The following CUL3 variants were observed in gnomAD, a reference collection of about 807,000 sequenced individuals.
CUL3 encodes the protein cullin 3.
In CUL3, 19 loss-of-function variants were observed where a neutral mutation model predicts 89.1. That is an observed-to-expected ratio of 0.21 (90% CI 0.15 to 0.31). The LOEUF (loss-of-function observed/expected upper bound fraction) is 0.31, where lower values mean the gene tolerates loss of function less well. CUL3 is among the 10% of genes least tolerant of loss of function. The pLI is 1.00. For missense variants in CUL3, 469 were observed against 942.3 expected (o/e 0.50, Z 6.58); for synonymous variants, 351 against 308.4 (o/e 1.14, Z -1.45).
chr2:224,532,635 C>T (rs1693737666), intron 3 of CUL3, among the ~76,000 whole-genome samples: 1 of 152,122 alleles, frequency 6.6e-6, no homozygotes, highest in Non-Finnish European at 1.5e-5. Flanking sequence ...CAAATGTCAA[C>T]ATTTCTTACA....
intron 13 of CUL3, among the ~76,000 whole-genome samples, chr2:224,487,784 C>G (rs1691790467): frequency 6.6e-6 from 1 of 152,150 alleles, no homozygotes; most frequent in Admixed American, 6.5e-5. Flanking sequence ...CCCACATCAA[C>G]AGAATATATA....
chr2:224,584,474 G>A (rs916409007), intron 1 of CUL3, among the ~76,000 whole-genome samples: 7 of 152,084 alleles, frequency 4.6e-5, no homozygotes, highest in Non-Finnish European at 7.4e-5. Context: ...TGGGGAGGGG[G>A]GCAGAGAGAG....
intron 1 of CUL3, chr2:224,563,320 T>C (rs1017440136): frequency 6.4e-6 from 3 of 467,516 alleles, no homozygotes; most frequent in Non-Finnish European, 1.3e-5. Context: ...CACTCTCTAC[T>C]GGGTCTCTAT....
chr2:224,583,534 C>A (rs1363945380), intron 1 of CUL3, among the ~76,000 whole-genome samples: 1 of 152,176 alleles, frequency 6.6e-6, no homozygotes, highest in Non-Finnish European at 1.5e-5. Context: ...TTAGTACTCG[C>A]TTGTCAACAT....
intron 14 of CUL3, among the ~76,000 whole-genome samples, chr2:224,480,908 A>G (rs761456242): frequency 6.6e-6 from 1 of 152,158 alleles, no homozygotes; most frequent in African/African-American, 2.4e-5. Context: ...GCAGATTACT[A>G]TGATACAGTT....
At chr2:224,515,586 C>G (rs1311156258) in intron 3 of CUL3, among the ~76,000 whole-genome samples, 1 of 152,152 alleles carries the variant, frequency 6.6e-6, no homozygotes, top group Non-Finnish European at 1.5e-5. Context: ...TATCTTTCAC[C>G]AGATTCTTGA....
chr2:224,583,066 G>A (rs1463334305), intron 1 of CUL3, among the ~76,000 whole-genome samples: 2 of 152,156 alleles, frequency 1.3e-5, no homozygotes, highest in African/African-American at 2.4e-5. Context: ...GTGTAAGGCT[G>A]CACACACTGC....
At chr2:224,568,433 A>T (rs1222027737) in intron 1 of CUL3, among the ~76,000 whole-genome samples, 1 of 152,244 alleles carries the variant, frequency 6.6e-6, no homozygotes, top group Non-Finnish European at 1.5e-5. Flanking sequence ...GGTTGTAAAC[A>T]AATGTCTGTT....
At chr2:224,531,432 A>AT (rs935476582) in intron 3 of CUL3, among the ~76,000 whole-genome samples, 2 of 137,036 alleles carry the variant, frequency 1.5e-5, no homozygotes, top group East Asian at 4.3e-4. Flanking sequence ...AGTGTAGTTT[A>AT]TTTAAAAAAA....
intron 1 of CUL3, among the ~76,000 whole-genome samples, chr2:224,561,839 A>C (rs1468237616): frequency 5.9e-5 from 9 of 152,216 alleles, no homozygotes; most frequent in Non-Finnish European, 1.3e-4. Context: ...TAGTTTGTTG[A>C]CTACATATGC....
chr2:224,511,912 A>G (rs1692840442), intron 5 of CUL3, among the ~76,000 whole-genome samples: 1 of 152,160 alleles, frequency 6.6e-6, no homozygotes, highest in Non-Finnish European at 1.5e-5. Context: ...ATACAGTGGG[A>G]CATTCTTTTT....
intron 3 of CUL3, chr2:224,533,139 C>T (rs1693755202): frequency 6.6e-6 from 1 of 152,200 alleles, no homozygotes; most frequent in African/African-American, 2.4e-5. Context: ...GGGTTGACCA[C>T]AGGTCTGTGA....
intron 8 of CUL3, among the ~76,000 whole-genome samples, chr2:224,504,992 A>G (rs1692538221): frequency 6.6e-6 from 1 of 152,152 alleles, no homozygotes; most frequent in Non-Finnish European, 1.5e-5. Flanking sequence ...CTTGGCATCC[A>G]ATTATTGTTT....
At position 224,473,767 on chromosome 2, in the gene CUL3, T is replaced by C. The variant is rs1691214984; in HGVS notation, c.*478A>G. Reference sequence around the variant, plus strand: ...TCAAACCTTTAAAATTAAATAAGACTAGCTAAAGAAATGTCTTCAGAGCAA... The same window carrying C: ...TCAAACCTTTAAAATTAAATAAGACCAGCTAAAGAAATGTCTTCAGAGCAA... On this transcript the variant is annotated 3_prime_UTR_variant, in exon 16 of 16. Transcript: ENST00000264414. 5.3e-6 allele frequency: 1 copy of C among 187,598 alleles called. No individual in the cohort carries two copies. The highest frequency in any genetic ancestry group is 1.1e-5 in the Non-Finnish European group (1 of 88,758). 11.6% of individuals were successfully genotyped at this position (187,598 alleles called of 1,614,324 possible).
chr2:224,558,684 G>A (rs1352515675), intron 1 of CUL3, among the ~76,000 whole-genome samples: 18 of 152,088 alleles, frequency 1.2e-4, no homozygotes, highest in Non-Finnish European at 2.9e-5. Flanking sequence ...AGAACCCAAT[G>A]TAATATTATA....
Position 224,500,445 on chromosome 2 carries a change from T to C in CUL3, c.1528A>G (p.Thr510Ala). The C allele has an allele frequency of 1.9e-6, 3 of 1,614,050 alleles. No individual in the cohort carries two copies. The highest frequency in any genetic ancestry group is 2.5e-6 in the Non-Finnish European group (3 of 1,179,972). Reference sequence around the variant, plus strand: ...GCTGACTGAGTGGGCCAATATCCTGTCGTGAGCACCCGGACTGTAAGATCA... The same window carrying C: ...GCTGACTGAGTGGGCCAATATCCTGCCGTGAGCACCCGGACTGTAAGATCA... ...GVDLTVRVLT[T>A]GYWPTQSATP... Residue 510 changes from threonine to alanine, a missense_variant, in exon 11 of 16, where the codon ACA becomes GCA. By Grantham distance (58) the Thr-to-Ala change is moderately conservative. This residue lies in a region of CUL3 where 370 missense variants were observed against 733.2 expected (regional missense o/e 0.50). Coordinates refer to ENST00000264414, the MANE Select transcript of CUL3 (RefSeq NM_003590.5).
At chr2:224,534,048 T>G (rs551536092) in intron 3 of CUL3, among the ~76,000 whole-genome samples, 1 of 152,194 alleles carries the variant, frequency 6.6e-6, no homozygotes, top group South Asian at 2.1e-4. Flanking sequence ...AACAAAAATA[T>G]AAAAAGGTAA....
intron 13 of CUL3, 26 bp downstream of exon 13, chr2:224,495,806 A>G (rs762605179): frequency 3.4e-5 from 54 of 1,574,860 alleles, no homozygotes; most frequent in Non-Finnish European, 4.6e-5. Context: ...CAACACAGTT[A>G]AAATGTATAT....
chr2:224,483,660 T>TA (rs1301514069), intron 13 of CUL3, among the ~76,000 whole-genome samples: 7 of 152,300 alleles, frequency 4.6e-5, no homozygotes, highest in African/African-American at 1.7e-4. Context: ...ACACCAGTAT[T>TA]AGTGTTAAAT....
Sources: gnomAD v4.1 joint callset for allele counts (sites outside exome capture counted in the v4.1 genomes callset) on GRCh38, gnomAD v4.1.1 for gene constraint, gnomAD v4.1.1 regional missense constraint, MANE v1.5 for transcripts, NCBI Gene and HGNC (gene_info 2026-07-23, HGNC 2026-07-21) for gene names.